Variants in VWC2 observed in about 807,000 individuals in gnomAD.
VWC2 encodes von Willebrand factor C domain containing 2, also known as brorin.
VWC2 carries 14 observed loss-of-function variants against 29.8 expected under a neutral mutation model. That is an observed-to-expected ratio of 0.47 (90% CI 0.31 to 0.74). The LOEUF is 0.74. VWC2 is among the 30% of genes least tolerant of loss of function. VWC2 has a pLI of 0.05. For missense variants in VWC2, 457 were observed against 459.8 expected (o/e 0.99, Z 0.05); for synonymous variants, 213 against 199.0 (o/e 1.07, Z -0.59).
At chr7:49,871,053 A>C (rs554498846) in intron 3 of VWC2, among the ~76,000 whole-genome samples, 1 of 152,238 alleles carries the variant, frequency 6.6e-6, no homozygotes, top group Non-Finnish European at 1.5e-5. Context: ...AATAAATTGG[A>C]GAATTCAACC....
At chr7:49,890,046 G>A (rs760828510) in intron 3 of VWC2, among the ~76,000 whole-genome samples, 1 of 138,830 alleles carries the variant, frequency 7.2e-6, no homozygotes, top group Non-Finnish European at 1.5e-5. Context: ...GAACACCAAG[G>A]CCTAATATTT....
At chr7:49,840,691 C>A (rs904234196) in intron 3 of VWC2, among the ~76,000 whole-genome samples, 2 of 152,148 alleles carry the variant, frequency 1.3e-5, no homozygotes, top group Non-Finnish European at 2.9e-5. Context: ...AGTGCAGCTT[C>A]AAAAGCTGTT....
chr7:49,820,301 G>A (rs537956323), intron 3 of VWC2, among the ~76,000 whole-genome samples: 2 of 152,204 alleles, frequency 1.3e-5, no homozygotes, highest in East Asian at 1.9e-4. Flanking sequence ...GATGATTACC[G>A]TGGCAGCCCG....
intron 2 of VWC2, among the ~76,000 whole-genome samples, chr7:49,790,854 A>G (rs1258882877): frequency 6.6e-6 from 1 of 152,056 alleles, no homozygotes; most frequent in African/African-American, 2.4e-5. Flanking sequence ...GGAGAGGTTT[A>G]GTTCCAGGTG....
chr7:49,800,676 A>C (rs1434918743), intron 2 of VWC2, among the ~76,000 whole-genome samples: 1 of 151,880 alleles, frequency 6.6e-6, no homozygotes, highest in Non-Finnish European at 1.5e-5. Context: ...GTCTCTTGCA[A>C]CTCAAGGTCT....
chr7:49,891,537 A>T (rs908042373), intron 3 of VWC2, among the ~76,000 whole-genome samples: 3 of 152,226 alleles, frequency 2.0e-5, no homozygotes, highest in African/African-American at 4.8e-5. Context: ...CCAAACAATC[A>T]GTCATCAAGG....
intron 3 of VWC2, among the ~76,000 whole-genome samples, chr7:49,833,078 T>A (rs184943990): frequency 1.2e-4 from 18 of 152,316 alleles, no homozygotes; most frequent in Admixed American, 3.9e-4. Context: ...AAGGTTAGGC[T>A]AATAAGACGT....
At chr7:49,857,534 A>G (rs1790475276) in intron 3 of VWC2, among the ~76,000 whole-genome samples, 1 of 152,250 alleles carries the variant, frequency 6.6e-6, no homozygotes, top group African/African-American at 2.4e-5. Context: ...GATGGCCGAC[A>G]GGTAGAAGAA....
intron 2 of VWC2, among the ~76,000 whole-genome samples, chr7:49,778,931 A>G (rs886409506): frequency 2.6e-5 from 4 of 152,186 alleles, no homozygotes; most frequent in Non-Finnish European, 5.9e-5. Context: ...TCATGCCTGG[A>G]ACACTGTTTA....
chr7:49,794,255 C>A (rs1390848481), intron 2 of VWC2, among the ~76,000 whole-genome samples: 1 of 152,202 alleles, frequency 6.6e-6, no homozygotes, highest in African/African-American at 2.4e-5. Context: ...TCTTTTCATG[C>A]AGCTCGAATG....
intron 3 of VWC2, among the ~76,000 whole-genome samples, chr7:49,894,339 A>T (rs1792274125): frequency 6.6e-6 from 1 of 152,122 alleles, no homozygotes; most frequent in Non-Finnish European, 1.5e-5. Flanking sequence ...TATTTTTTGT[A>T]GAGACGGGGT....
chr7:49,875,049 G>GA (rs1006316402), intron 3 of VWC2, among the ~76,000 whole-genome samples: 46 of 147,018 alleles, frequency 3.1e-4, no homozygotes, highest in East Asian at 1.4e-3. Context: ...TTGTTTCTGT[G>GA]AAAAAAAAAA....
At chr7:49,819,749 C>T (rs568951726) in intron 3 of VWC2, among the ~76,000 whole-genome samples, 2 of 152,112 alleles carry the variant, frequency 1.3e-5, no homozygotes, top group South Asian at 2.1e-4. Flanking sequence ...AAGGGGGGCC[C>T]GTGGGGGAGG....
At chr7:49,877,481 A>AAAAAAATATATAT in intron 3 of VWC2, among the ~76,000 whole-genome samples, 1 of 12,722 alleles carries the variant, frequency 7.9e-5, no homozygotes, top group African/African-American at 2.8e-4. Flanking sequence ...AAAAAAAAAA[A>AAAAAAATATATAT]ATATATATAT....
At chr7:49,774,397 G>A (rs934699909) in intron 1 of VWC2, among the ~76,000 whole-genome samples, 2 of 152,226 alleles carry the variant, frequency 1.3e-5, no homozygotes, top group African/African-American at 2.4e-5. Context: ...GGAGTGAGGC[G>A]GAGAGAGGCT....
At chr7:49,856,241 C>G (rs191937716) in intron 3 of VWC2, among the ~76,000 whole-genome samples, 8 of 152,284 alleles carry the variant, frequency 5.3e-5, no homozygotes, top group African/African-American at 9.6e-5. Context: ...AGGGTGGATT[C>G]TGCATGAATG....
chr7:49,866,329 G>A (rs920444668), intron 3 of VWC2, among the ~76,000 whole-genome samples: 1 of 152,164 alleles, frequency 6.6e-6, no homozygotes, highest in African/African-American at 2.4e-5. Context: ...TTCCTGTCCT[G>A]ACTGGCGTTC....
intron 3 of VWC2, among the ~76,000 whole-genome samples, chr7:49,886,334 C>A (rs1019855362): frequency 1.3e-5 from 2 of 152,096 alleles, no homozygotes; most frequent in African/African-American, 2.4e-5. Context: ...ACCACATTAG[C>A]CTGACCTCTA....
intron 3 of VWC2, among the ~76,000 whole-genome samples, chr7:49,894,132 C>T (rs1179729366): frequency 1.3e-5 from 2 of 150,626 alleles, no homozygotes; most frequent in Admixed American, 6.6e-5. Context: ...GACATAGACA[C>T]CTATGTGTGT....
Sources: allele counts gnomAD v4.1 joint callset (sites outside exome capture counted in the v4.1 genomes callset), GRCh38; gene constraint gnomAD v4.1.1; transcripts MANE v1.5; gene names NCBI Gene and HGNC (gene_info 2026-07-23, HGNC 2026-07-21).